The following NAV3 variants were observed in gnomAD, a reference collection of about 807,000 sequenced individuals.
NAV3 encodes the protein pore membrane and/or filament interacting like protein 1.
NAV3 carries 87 observed loss-of-function variants against 244.7 expected under a neutral mutation model. The observed-to-expected ratio is 0.36, with a 90% confidence interval of 0.30 to 0.42. The LOEUF (loss-of-function observed/expected upper bound fraction) is 0.42. NAV3 is among the 20% of genes least tolerant of loss of function. The probability of loss-of-function intolerance (pLI) is 1.00; values close to 1 mark genes in which losing one functional copy is unlikely to be tolerated. For missense variants in NAV3, 2,663 were observed against 2,893.3 expected (o/e 0.92, Z 1.83); for synonymous variants, 1,126 against 1,042.2 (o/e 1.08, Z -1.55).
chr12:77,741,148 C>CAAAAAAAAAAAAAAAAAAAGAAA, intron 2 of NAV3, among the ~76,000 whole-genome samples: 5 of 68,660 alleles, frequency 7.3e-5, no homozygotes, highest in African/African-American at 2.4e-4. Context: ...AAAAAAAAGA[C>CAAAAAAAAAAAAAAAAAAAGAAA]AAAAAAAAAA....
chr12:78,059,583 C>T lies in NAV3; in HGVS notation c.2636+468C>T, dbSNP rs372947521. Among the ~76,000 whole-genome samples the T allele has an allele frequency of 1.6e-4, 25 of 152,166 alleles. No individual in the cohort carries two copies. In the East Asian group the frequency reaches 2.3e-3, roughly 14 times the overall value. The stretch of plus-strand genomic sequence containing the variant: ...ATTACAGGCATGAGCCTCTACGCCC[C>T]GCCTATTTGGGGATATTTTTAAAAC... On this transcript the variant is annotated intron_variant, in intron 12 of 39. Coordinates refer to ENST00000397909, the MANE Select transcript of NAV3 (RefSeq NM_001024383.2).
At chr12:77,749,936 C>G (rs1868755715) in intron 2 of NAV3, among the ~76,000 whole-genome samples, 1 of 152,068 alleles carries the variant, frequency 6.6e-6, no homozygotes, top group Non-Finnish European at 1.5e-5. Flanking sequence ...ACTTGAGTCC[C>G]CTGGGAAGTC....
At chr12:77,614,418 G>A (rs981251039) in intron 2 of NAV3, among the ~76,000 whole-genome samples, 2 of 151,724 alleles carry the variant, frequency 1.3e-5, no homozygotes, top group Non-Finnish European at 2.9e-5. Context: ...TATTTTCTAG[G>A]CCCCTTTTGT....
chr12:77,577,310 T>TCTAGAAGTGA (rs1370393825), intron 2 of NAV3, among the ~76,000 whole-genome samples: 1 of 152,092 alleles, frequency 6.6e-6, no homozygotes, highest in Non-Finnish European at 1.5e-5. Context: ...TCAGAAGTGA[T>TCTAGAAGTGA]TCTAGAAACT....
intron 2 of NAV3, among the ~76,000 whole-genome samples, chr12:77,622,534 ATT>A (rs529338324): frequency 0.064 from 5,781 of 90,420 alleles, 178 homozygotes; most frequent in African/African-American, 0.13. Flanking sequence ...ATCCATATGG[ATT>A]TTTTTTTTTT....
At chr12:77,651,091 A>G (rs921645181) in intron 2 of NAV3, among the ~76,000 whole-genome samples, 5 of 152,190 alleles carry the variant, frequency 3.3e-5, no homozygotes, top group African/African-American at 1.2e-4. Flanking sequence ...CATTGCTGAT[A>G]CATCATCATG....
chr12:77,908,074 C>T (rs765566624), intron 1 of NAV3, among the ~76,000 whole-genome samples: 2 of 152,024 alleles, frequency 1.3e-5, no homozygotes, highest in African/African-American at 2.4e-5. Context: ...TTGTGGTTTA[C>T]AGTGGTTTTT....
chr12:78,095,143 A>G (rs767943269), intron 12 of NAV3, among the ~76,000 whole-genome samples: 37 of 151,524 alleles, frequency 2.4e-4, no homozygotes, highest in African/African-American at 8.7e-4. Flanking sequence ...ATACGTATGT[A>G]TATGTGACTT....
At chr12:77,887,080 G>A (rs1367797464) in intron 1 of NAV3, among the ~76,000 whole-genome samples, 2 of 152,104 alleles carry the variant, frequency 1.3e-5, no homozygotes, top group Admixed American at 6.6e-5. Context: ...AACCCATTCT[G>A]GAGAAATAGA....
At chr12:77,682,796 A>G (rs895379818) in intron 2 of NAV3, among the ~76,000 whole-genome samples, 1 of 152,032 alleles carries the variant, frequency 6.6e-6, no homozygotes, top group African/African-American at 2.4e-5. Flanking sequence ...GGCCATTTGT[A>G]TGTCTTATTT....
rs116043700 is a variant in NAV3, at chr12:78,007,595, G to A, written c.1907+150G>A. ...AAGATAGAGGCCTAGAATTCAGTGC[G>A]GAATCTTAGTCTGGAAAAAGACTTC... On this transcript the variant is annotated intron_variant, in intron 8 of 39. Transcript: ENST00000397909. The A allele has an allele frequency of 1.8e-3, 1,446 of 815,778 alleles. 20 individuals are homozygous for A. The African/African-American group carries it at 0.023, about 13-fold the overall frequency. 50.5% of individuals were successfully genotyped at this position (815,778 alleles called of 1,614,324 possible). A position where few individuals can be genotyped will look rare whatever the true frequency, so the allele number is the denominator to read the frequency against.
chr12:77,943,098 A>G (rs1299698987), intron 3 of NAV3, among the ~76,000 whole-genome samples: 1 of 152,182 alleles, frequency 6.6e-6, no homozygotes, highest in Non-Finnish European at 1.5e-5. Context: ...AGCTCATAAC[A>G]ATGGTTAATA....
intron 2 of NAV3, among the ~76,000 whole-genome samples, chr12:77,654,276 TA>T (rs1336866745): frequency 6.6e-6 from 1 of 152,234 alleles, no homozygotes; most frequent in African/African-American, 2.4e-5. Context: ...CCGACGGGCT[TA>T]AAAAATGGCG....
intron 8 of NAV3, among the ~76,000 whole-genome samples, chr12:78,016,892 C>T (rs989819045): frequency 7.2e-5 from 11 of 152,050 alleles, no homozygotes; most frequent in Admixed American, 7.2e-4. Flanking sequence ...TAGGTTAGAC[C>T]AGTGGAAGTG....
rs146935316 is a variant in NAV3, at chr12:77,889,876, G to C, written c.244-50443G>C. ...CTTATGCATCTGGTATATTTTTCAG[G>C]GTATACATAGATCAGCCGTTATAAG... is the stretch of plus-strand genomic sequence containing the variant. On this transcript the variant is annotated intron_variant, in intron 1 of 39. Transcript: ENST00000397909. Among the ~76,000 whole-genome samples the C allele has an allele frequency of 2.6e-5, 4 of 152,104 alleles. No individual in the cohort carries two copies. The East Asian group carries it at 7.8e-4, about 29-fold the overall frequency.
intron 2 of NAV3, among the ~76,000 whole-genome samples, chr12:77,716,726 T>G (rs895251982): frequency 1.5e-4 from 23 of 151,952 alleles, no homozygotes; most frequent in African/African-American, 4.8e-4. Context: ...GGTGTTAGAG[T>G]TTGACATATC....
chr12:77,777,101 G>A (rs1870400230), intron 2 of NAV3, among the ~76,000 whole-genome samples: 1 of 152,152 alleles, frequency 6.6e-6, no homozygotes, highest in Non-Finnish European at 1.5e-5. Flanking sequence ...GTGGGGACTT[G>A]TTCCAAGGCC....
chr12:78,008,405 A>C (rs1874624104), intron 8 of NAV3, among the ~76,000 whole-genome samples: 1 of 152,074 alleles, frequency 6.6e-6, no homozygotes, highest in Non-Finnish European at 1.5e-5. Context: ...AATCGATTAG[A>C]GATATGTCAG....
intron 1 of NAV3, among the ~76,000 whole-genome samples, chr12:77,877,872 A>G (rs1627607): frequency 0.14 from 20,818 of 152,154 alleles, 1,553 homozygotes; most frequent in East Asian, 0.22. Context: ...AGCCAGGTAA[A>G]CAAGATCAAT....
Sources: gnomAD v4.1 joint callset for allele counts (sites outside exome capture counted in the v4.1 genomes callset) on GRCh38, gnomAD v4.1.1 for gene constraint, MANE v1.5 for transcripts, NCBI Gene and HGNC (gene_info 2026-07-23, HGNC 2026-07-21) for gene names.